DNAH2: variants seen among roughly 807,000 people sequenced by gnomAD.
DNAH2 encodes the protein dynein axonemal heavy chain 2.
DNAH2 carries 323 observed loss-of-function variants against 523.5 expected under a neutral mutation model. The ratio of observed to expected loss-of-function variants is 0.62; its 90% confidence interval spans 0.56 to 0.68. DNAH2 has a LOEUF of 0.68. DNAH2 is among the 30% of genes least tolerant of loss of function. The probability of loss-of-function intolerance (pLI) is 0.00; values close to 1 mark genes in which losing one functional copy is unlikely to be tolerated. For synonymous variants in DNAH2, 2,093 were observed against 2,177.4 expected, an observed-to-expected ratio of 0.96 and a Z score of 1.08; for missense variants, 4,907 against 5,701.5, an observed-to-expected ratio of 0.86 and a Z score of 4.49.
chr17:7,807,528 T>C lies in DNAH2; in HGVS notation c.9671T>C (p.Leu3224Ser). 1 of 1,613,446 alleles carries C rather than the reference T, an allele frequency of 6.2e-7. No individual in the cohort carries two copies. The highest frequency in any genetic ancestry group is 8.5e-7 in the Non-Finnish European group (1 of 1,180,008). The change falls in exon 63 of 86, where the codon TTG becomes TCG. Residue 3224 changes from leucine to serine, a missense_variant. Transcript: ENST00000572933. The surrounding 1 kb of genome is among the most constrained non-coding windows in gnomAD (Gnocchi z 5.6). The stretch of plus-strand genomic sequence containing the variant: ...AAGCGAATCCGAATGAACGCTGCCT[T>C]GGCTCAGCTTCGGGAGAAGCAAGCC... ...EPKRIRMNAA[L>S]AQLREKQAAL... is the part of the protein sequence containing the mutation.
chr17:7,765,836 G>A (rs1315269970), intron 21 of DNAH2, among the ~76,000 whole-genome samples: 1 of 151,644 alleles, frequency 6.6e-6, no homozygotes, highest in Non-Finnish European at 1.5e-5. Context: ...GGAGTGCAGT[G>A]GCTCGATCTC....
chr17:7,723,819 C>T, intron 3 of DNAH2, 130 bp downstream of exon 3: 2 of 808,500 alleles, frequency 2.5e-6, no homozygotes, highest in Non-Finnish European at 4.1e-6. Context: ...TGCTGTTAGC[C>T]TACTCACCAC....
Position 7,780,947 on chromosome 17 carries a change from A to C in DNAH2, c.6004-95A>C. On this transcript the variant is annotated intron_variant, in intron 38 of 85. Transcript: ENST00000572933. The surrounding 1 kb of genome is among the most constrained non-coding windows in gnomAD (Gnocchi z 4.4). The stretch of plus-strand genomic sequence containing the variant: ...TGCTTTGCTAATGGCTAACTGGTGT[A>C]TCCATTGTTCTTGGCACGTGCCCCG... 1 of 1,598,152 alleles carries C rather than the reference A, an allele frequency of 6.3e-7. No homozygotes were observed. The highest frequency in any genetic ancestry group is 8.5e-7 in the Non-Finnish European group (1 of 1,171,224).
chr17:7,771,118 G>A (rs1293863838), intron 27 of DNAH2, among the ~76,000 whole-genome samples, 185 bp downstream of exon 27: 1 of 151,988 alleles, frequency 6.6e-6, no homozygotes, highest in Non-Finnish European at 1.5e-5. Flanking sequence ...ACAAGTTTTT[G>A]TTCTTCTCAG....
rs746285415 is a variant in DNAH2, at chr17:7,786,894, C to G, written c.6467-3C>G. ...GTTTCCTCATCACCCACCATCTACT[C>G]AGATGAGAAACCCGACGAGAAGTGG... On this transcript the variant is annotated splice_region_variant and splice_polypyrimidine_tract_variant and intron_variant, in intron 41 of 85. Transcript: ENST00000572933. The surrounding 1 kb of genome is among the most constrained non-coding windows in gnomAD (Gnocchi z 7.5). The G allele has an allele frequency of 2.0e-5, 33 of 1,614,262 alleles. No homozygotes were observed. Among genetic ancestry groups the G allele is most frequent in the Non-Finnish European group, 2.6e-5 (31 of 1,180,052 alleles).
At chr17:7,758,273 A>T (rs183425048) in intron 13 of DNAH2, among the ~76,000 whole-genome samples, 56 of 152,334 alleles carry the variant, frequency 3.7e-4, no homozygotes, top group African/African-American at 9.6e-4. Flanking sequence ...GTGCAAAGTG[A>T]TTGCAGTTGT....
Position 7,754,967 on chromosome 17 carries a change from A to T in DNAH2, c.1905-2124A>T. On this transcript the variant is annotated intron_variant, in intron 12 of 85. Coordinates refer to ENST00000572933, the MANE Select transcript of DNAH2 (RefSeq NM_020877.5). This position sits in a 1 kb window ranked among gnomAD's most constrained non-coding sequence, Gnocchi z 4.6. ...ATTGGTACAAATAAGCCTGAGGCAGAAAAAAAAAAAAAAAGAATAGGCAGC... is the reference window on the plus strand; with the variant it reads ...ATTGGTACAAATAAGCCTGAGGCAGTAAAAAAAAAAAAAAGAATAGGCAGC... The T allele has an allele frequency of 1.5e-4, 26 of 169,584 alleles. No homozygotes were observed. Among genetic ancestry groups the T allele is most frequent in the East Asian group, 5.2e-4 (4 of 7,648 alleles). The allele number at this position is 169,584 out of a possible 1,614,324, so 10.5% of individuals were successfully genotyped here.
Position 7,807,097 on chromosome 17 carries a change from C to A in DNAH2, c.9443-53C>A. On this transcript the variant is annotated intron_variant, in intron 61 of 85. Coordinates refer to ENST00000572933, the MANE Select transcript of DNAH2 (RefSeq NM_020877.5). The surrounding 1 kb of genome is among the most constrained non-coding windows in gnomAD (Gnocchi z 5.6). ...GAGTAGTGGAGGTGAAACTGCTGGACAAGGAGGATGGCATTAAGCCTCTGG... is the reference window on the plus strand; with the variant it reads ...GAGTAGTGGAGGTGAAACTGCTGGAAAAGGAGGATGGCATTAAGCCTCTGG... The A allele has an allele frequency of 6.4e-7, 1 of 1,571,786 alleles. No homozygotes were observed.
At chr17:7,829,439 T>G (rs1271220422) in intron 77 of DNAH2, among the ~76,000 whole-genome samples, 1 of 152,168 alleles carries the variant, frequency 6.6e-6, no homozygotes, top group Non-Finnish European at 1.5e-5. Flanking sequence ...TTTATTCAAT[T>G]CCTTGCATCT....
intron 28 of DNAH2, among the ~76,000 whole-genome samples, chr17:7,772,544 C>T (rs1223316136): frequency 1.3e-5 from 2 of 152,282 alleles, no homozygotes; most frequent in Non-Finnish European, 2.9e-5. Context: ...AAGGATCCAA[C>T]AGCCTGTAGA....
At position 7,823,882 on chromosome 17, in the gene DNAH2, G is replaced by A. The variant is rs1040870462; in HGVS notation, c.11378G>A (p.Arg3793His). 6.8e-6 allele frequency: 11 copies of A among 1,613,966 alleles called. No individual in the cohort carries two copies. The highest frequency in any genetic ancestry group is 8.5e-6 in the Non-Finnish European group (10 of 1,180,042). The change falls in exon 75 of 86, where the codon CGC becomes CAC. Residue 3793 changes from arginine (R) to histidine (H), a missense_variant. By Grantham distance (29) the Arg-to-His change is conservative. Coordinates refer to ENST00000572933, the MANE Select transcript of DNAH2 (RefSeq NM_020877.5). ...GAAATGCAACGGATGCTGATCGTTCGCTCCCTGCGCCAGGACCGCGTGGCC... is the reference window on the plus strand; with the variant it reads ...GAAATGCAACGGATGCTGATCGTTCACTCCCTGCGCCAGGACCGCGTGGCC... The part of the protein sequence containing the change: ...CNEMQRMLIV[R>H]SLRQDRVAFC...
intron 63 of DNAH2, among the ~76,000 whole-genome samples, chr17:7,813,886 C>T (rs1261032847): frequency 1.8e-4 from 26 of 146,556 alleles, no homozygotes; most frequent in Non-Finnish European, 3.6e-4. Flanking sequence ...CCAGCCTGGG[C>T]GACAGTGTGA....
At chr17:7,766,184 C>A in intron 21 of DNAH2, 134 bp from the exon 22 acceptor site, 1 of 905,110 alleles carries the variant, frequency 1.1e-6, no homozygotes, top group Non-Finnish European at 1.7e-6. Flanking sequence ...TCAACGCGTT[C>A]CCTCTTACTC....
At chr17:7,751,395 G>T (rs548381532) in intron 12 of DNAH2, among the ~76,000 whole-genome samples, 2 of 151,952 alleles carry the variant, frequency 1.3e-5, no homozygotes, top group African/African-American at 4.8e-5. Context: ...ACCAGGCCAA[G>T]ATTTTTTTTT....
intron 39 of DNAH2, among the ~76,000 whole-genome samples, chr17:7,784,296 A>G (rs2076678035): frequency 6.6e-6 from 1 of 152,248 alleles, no homozygotes; most frequent in South Asian, 2.1e-4. Context: ...TTGATAGAGC[A>G]AACAGACTAA....
intron 31 of DNAH2, among the ~76,000 whole-genome samples, 195 bp downstream of exon 31, chr17:7,776,344 T>C (rs1030705015): frequency 5.3e-5 from 8 of 152,116 alleles, no homozygotes; most frequent in African/African-American, 1.7e-4. Context: ...TGTGCTCCTG[T>C]AGTCCCAGTT....
In DNAH2 at chr17:7,766,361, G is replaced by C; in HGVS notation, c.3555G>C (p.Gln1185His). Residue 1185 changes from glutamine (Q) to histidine (H), a missense_variant, in exon 22 of 86, where the codon CAG (glutamine) becomes CAC (histidine). Gln to His is a conservative substitution (Grantham distance 24, BLOSUM62 0). Around this residue, in one of 3 missense-constraint regions of DNAH2, gnomAD observed 2,806 missense variants for 3,190.8 expected, o/e 0.88. Transcript: ENST00000572933. ...TGGGATACATGTCTGCCTTAGACCAGATTACACAAGTGCGGGCCATGCTGA... is the reference window on the plus strand; with the variant it reads ...TGGGATACATGTCTGCCTTAGACCACATTACACAAGTGCGGGCCATGCTGA... ...SNVGYMSALD[Q>H]ITQVRAMLMA... The C allele has an allele frequency of 1.2e-6, 2 of 1,614,088 alleles. No individual in the cohort carries two copies. The highest frequency in any genetic ancestry group is 1.1e-5 in the South Asian group (1 of 91,078).
chr17:7,778,541 A>C, intron 35 of DNAH2, 72 bp downstream of exon 35: 1 of 1,427,674 alleles, frequency 7.0e-7, no homozygotes, highest in Non-Finnish European at 9.4e-7. Context: ...ACTGAAACCC[A>C]AATCTGGTTC....
rs915290937 is a variant in DNAH2 at position 7,794,493 on chromosome 17, C to G, written c.7674+135C>G. 7.3e-6 allele frequency: 5 copies of G among 686,992 alleles called. No homozygotes were observed. In the Admixed American group the frequency reaches 1.8e-4, roughly 24 times the overall value. The allele number at this position is 686,992 out of a possible 1,614,324, so 42.6% of individuals were successfully genotyped here. A position where few individuals can be genotyped will look rare whatever the true frequency, so the allele number is the denominator to read the frequency against. On this transcript the variant is annotated intron_variant, in intron 49 of 85. Transcript: ENST00000572933. ...CTCCACGCAGGACGCTGGGACGATC[C>G]GTAAGGGCATGTGCTGGCTCCTGAG...
Sources: gnomAD v4.1 joint callset for allele counts (sites outside exome capture counted in the v4.1 genomes callset) on GRCh38, gnomAD v4.1.1 for gene constraint, gnomAD v4.1.1 regional missense constraint, Gnocchi (gnomAD v3.1) non-coding constraint, MANE v1.5 for transcripts, NCBI Gene and HGNC (gene_info 2026-07-23, HGNC 2026-07-21) for gene names.